Variants in SLC19A3 observed in about 807,000 individuals in gnomAD.
SLC19A3 encodes solute carrier family 19 member 3, also known as thiamine transporter 2.
SLC19A3 carries 31 observed loss-of-function variants against 40.2 expected under a neutral mutation model. The ratio of observed to expected loss-of-function variants is 0.77; its 90% CI spans 0.58 to 1.04. SLC19A3 has a LOEUF of 1.04. Ranked by LOEUF, SLC19A3 falls within the 50% of genes least tolerant of loss-of-function variation. SLC19A3 has a pLI of 0.00. For missense variants in SLC19A3, 592 were observed against 596.7 expected, an observed-to-expected ratio of 0.99 and a Z score of 0.08; for synonymous variants, 212 against 227.5, an observed-to-expected ratio of 0.93 and a Z score of 0.61.
rs1230756352 is a variant in SLC19A3, at chr2:227,698,758, T to C, written c.957A>G (p.Val319=). Residue 319 remains valine, a synonymous_variant, in exon 3 of 6, where the codon GTA becomes GTG. Transcript: ENST00000644224. The part of the protein sequence containing the change: ...SQDSSIYNGA[V]EAIATFGGAV... ...TACCTCCAAAGGTTGCAATAGCTTCTACGGCCCCATTATAGATGGAAGAAT... is the reference window on the plus strand; with the variant it reads ...TACCTCCAAAGGTTGCAATAGCTTCCACGGCCCCATTATAGATGGAAGAAT... 6.2e-6 allele frequency: 10 copies of C among 1,613,908 alleles called. No individual in the cohort carries two copies. The highest frequency in any genetic ancestry group is 7.6e-6 in the Non-Finnish European group (9 of 1,180,008).
chr2:227,714,552 T>A, intron 1 of SLC19A3: 2 of 985,174 alleles, frequency 2.0e-6, no homozygotes, highest in Non-Finnish European at 2.4e-6. Context: ...ACTATGAAAA[T>A]CCCTTTCCAT....
intron 4 of SLC19A3, among the ~76,000 whole-genome samples, chr2:227,693,564 A>G (rs1165487331): frequency 1.3e-5 from 2 of 152,200 alleles, no homozygotes; most frequent in African/African-American, 2.4e-5. Flanking sequence ...GTAGACCCCT[A>G]TCTCTCACTA....
At position 227,687,186 on chromosome 2, in the gene SLC19A3, A is replaced by T. The variant is rs1164901108; in HGVS notation, c.*211T>A. 2.6e-5 allele frequency: 13 copies of T among 504,708 alleles called. No individual in the cohort carries two copies. In the Admixed American group the frequency reaches 4.7e-4, roughly 18 times the overall value. The allele number at this position is 504,708 out of a possible 1,614,324, so 31.3% of individuals were successfully genotyped here. ...GGTCCCCAATATGGGTTGTTTAATT[A>T]TGATGACGGGTCCTGTCAATTGCAT... On this transcript the variant is annotated 3_prime_UTR_variant, in exon 6 of 6. Coordinates refer to ENST00000644224, the MANE Select transcript of SLC19A3 (RefSeq NM_025243.4).
chr2:227,717,823 G>C (rs1410665176), intron 1 of SLC19A3, 120 bp downstream of exon 1: 2 of 783,342 alleles, frequency 2.6e-6, no homozygotes, highest in East Asian at 1.3e-4. Flanking sequence ...GTGTAGCCCA[G>C]GCCCGCAGAG....
At position 227,690,706 on chromosome 2, in the gene SLC19A3, C is replaced by CAAAAAAAAAAAAAAA. The variant is rs34163746; in HGVS notation, c.1173-2414_1173-2400dup. On this transcript the variant is annotated intron_variant, in intron 4 of 5. Transcript: ENST00000644224. Reference sequence around the variant, plus strand: ...TGGGTGACAGACCGAGACTCCATCTCAAAAAAAAAAAAAAAAAAAAAAAAA... The same window carrying CAAAAAAAAAAAAAAA: ...TGGGTGACAGACCGAGACTCCATCTCAAAAAAAAAAAAAAAAAAAAAAAAAAAAAAAAAAAAAAAA... Among the ~76,000 whole-genome samples, 33 of 39,166 alleles carry CAAAAAAAAAAAAAAA rather than the reference C, an allele frequency of 8.4e-4. 1 individual carries two copies. The highest frequency in any genetic ancestry group is 3.0e-3 in the African/African-American group (32 of 10,492). The allele number at this position is 39,166 out of a possible 152,430, so 25.7% of individuals were successfully genotyped here.
chr2:227,693,326 TTAC>T (rs1695304705), intron 4 of SLC19A3, among the ~76,000 whole-genome samples: 1 of 152,148 alleles, frequency 6.6e-6, no homozygotes, highest in African/African-American at 2.4e-5. Flanking sequence ...TGACTTTGAA[TTAC>T]ACTATAGAGC....
chr2:227,701,936 C>T lies in SLC19A3; in HGVS notation c.150+233G>A, dbSNP rs77628307. On this transcript the variant is annotated intron_variant, in intron 2 of 5. Coordinates refer to ENST00000644224, the MANE Select transcript of SLC19A3 (RefSeq NM_025243.4). ...CCTATCATTAACACAAATGTTAGGA[C>T]TCTATGCAAGTTAAAAATTTGTTAA... 3.0e-3 allele frequency: 1,456 copies of T among 491,018 alleles called. 13 individuals carry two copies. The highest frequency in any genetic ancestry group is 0.025 in the African/African-American group (1,310 of 51,632). 30.4% of individuals were successfully genotyped at this position (491,018 alleles called of 1,614,324 possible). A position where few individuals can be genotyped will look rare whatever the true frequency, so the allele number is the denominator to read the frequency against.
Position 227,699,229 on chromosome 2 carries a change from T to C in SLC19A3, c.486A>G (p.Val162=), listed in dbSNP as rs940589406. 4.3e-6 allele frequency: 7 copies of C among 1,614,106 alleles called. No individual in the cohort carries two copies. Among genetic ancestry groups the C allele is most frequent in the South Asian group, 2.2e-5 (2 of 91,072 alleles). The change falls in exon 3 of 6, where the codon GTA becomes GTG. Residue 162 remains valine (V), a synonymous_variant. Coordinates refer to ENST00000644224, the MANE Select transcript of SLC19A3 (RefSeq NM_025243.4). The stretch of plus-strand genomic sequence containing the variant: ...AAAAGTACGACATGTTCGCCAGGGA[T>C]ACCAAGAGTTGAGCCAGCACCGACC... ...TAGSVLAQLL[V]SLANMSYFYL... is the part of the protein sequence containing the mutation.
In SLC19A3 at chr2:227,702,330, T is replaced by C. The variant is rs6728344; in HGVS notation, c.-2-10A>G. On this transcript the variant is annotated splice_polypyrimidine_tract_variant and intron_variant, in intron 1 of 5. Transcript: ENST00000644224. ...CTGTAACAATCCATGGCTGATCAAA[T>C]GGAAACAAAGAGAAAATTAAGTGAT... 0.015 allele frequency: 23,471 copies of C among 1,613,316 alleles called. 588 individuals carry two copies. Among genetic ancestry groups the C allele is most frequent in the African/African-American group, 0.11 (8,320 of 74,834 alleles).
rs953229799 is a variant in SLC19A3, at chr2:227,684,883, T to A, written c.*2514A>T. On this transcript the variant is annotated 3_prime_UTR_variant, in exon 6 of 6. Coordinates refer to ENST00000644224, the MANE Select transcript of SLC19A3 (RefSeq NM_025243.4). ...CTGTAATCCCAGCTACTCGGGAGGC[T>A]GAGGCAGGAGAATTGCTTGAACCCG... is the stretch of plus-strand genomic sequence containing the variant. The A allele has an allele frequency of 1.4e-5, 2 of 142,070 alleles. No homozygotes were observed. Among genetic ancestry groups the A allele is most frequent in the Non-Finnish European group, 3.0e-5 (2 of 66,794 alleles). 8.8% of individuals were successfully genotyped at this position (142,070 alleles called of 1,614,324 possible).
intron 1 of SLC19A3, among the ~76,000 whole-genome samples, chr2:227,707,311 G>A (rs1055684663): frequency 3.9e-5 from 6 of 152,160 alleles, no homozygotes; most frequent in South Asian, 2.1e-4. Context: ...TCAGCCAGGC[G>A]CGGTGGCTTA....
intron 3 of SLC19A3, among the ~76,000 whole-genome samples, chr2:227,696,799 C>T (rs909776320): frequency 2.6e-5 from 4 of 152,136 alleles, no homozygotes; most frequent in Admixed American, 2.0e-4. Context: ...GGGACAGTGG[C>T]GCACTCCTGT....
intron 1 of SLC19A3, among the ~76,000 whole-genome samples, chr2:227,715,767 T>C (rs1219993749): frequency 6.6e-6 from 1 of 150,864 alleles, no homozygotes; most frequent in Non-Finnish European, 1.5e-5. Flanking sequence ...CTGGGCAAAA[T>C]AGCGAGACCT....
chr2:227,691,961 T>C (rs964592698), intron 4 of SLC19A3, among the ~76,000 whole-genome samples: 2 of 152,078 alleles, frequency 1.3e-5, no homozygotes, highest in African/African-American at 4.8e-5. Flanking sequence ...TGCCAATAAA[T>C]TGGAAAATCT....
rs1286201155 is a variant in SLC19A3, at chr2:227,688,314, T to C, written c.1173-7A>G. The C allele has an allele frequency of 1.2e-6, 2 of 1,613,444 alleles. No individual in the cohort carries two copies. The highest frequency in any genetic ancestry group is 1.7e-6 in the Non-Finnish European group (2 of 1,179,472). Reference sequence around the variant, plus strand: ...ATTAACTGCAATCTGAAATCTATCATTAAACATAAATAAGCATTTTAACTA... The same window carrying C: ...ATTAACTGCAATCTGAAATCTATCACTAAACATAAATAAGCATTTTAACTA... On this transcript the variant is annotated splice_region_variant and splice_polypyrimidine_tract_variant and intron_variant, in intron 4 of 5. Coordinates refer to ENST00000644224, the MANE Select transcript of SLC19A3 (RefSeq NM_025243.4).
Position 227,684,967 on chromosome 2 carries a change from A to G in SLC19A3, c.*2430T>C, listed in dbSNP as rs1204323176. 3 of 130,292 alleles carry G rather than the reference A, an allele frequency of 2.3e-5. No individual in the cohort carries two copies. Among genetic ancestry groups the G allele is most frequent in the Non-Finnish European group, 3.2e-5 (2 of 62,794 alleles). 8.1% of individuals were successfully genotyped at this position (130,292 alleles called of 1,614,324 possible). ...CATTGCACTCCAGCCTGGGTGACAG[A>G]GCAAGATTCTATCAAAAAAAAAAAA... On this transcript the variant is annotated 3_prime_UTR_variant, in exon 6 of 6. Transcript: ENST00000644224.
At chr2:227,708,281 C>T (rs1471006940) in intron 1 of SLC19A3, among the ~76,000 whole-genome samples, 2 of 152,086 alleles carry the variant, frequency 1.3e-5, no homozygotes, top group African/African-American at 2.4e-5. Flanking sequence ...TTTTTATCTG[C>T]CTTGCAACCT....
intron 1 of SLC19A3, among the ~76,000 whole-genome samples, chr2:227,716,501 G>A (rs1336223927): frequency 6.6e-6 from 1 of 152,056 alleles, no homozygotes; most frequent in Non-Finnish European, 1.5e-5. Context: ...CCACCAAAAG[G>A]AACAACTGTT....
At chr2:227,707,584 A>C (rs1695993277) in intron 1 of SLC19A3, among the ~76,000 whole-genome samples, 1 of 151,820 alleles carries the variant, frequency 6.6e-6, no homozygotes, top group African/African-American at 2.4e-5. Context: ...CCTGTTCTCA[A>C]AAAATATACA....
Sources: allele counts gnomAD v4.1 joint callset (sites outside exome capture counted in the v4.1 genomes callset), GRCh38; gene constraint gnomAD v4.1.1; transcripts MANE v1.5; gene names NCBI Gene and HGNC (gene_info 2026-07-23, HGNC 2026-07-21).